Variants in ZNF791 observed in about 807,000 individuals in gnomAD.
ZNF791 encodes zinc finger protein 791.
In ZNF791, 4 loss-of-function variants were observed where a neutral mutation model predicts 11.5. The ratio of observed to expected loss-of-function variants is 0.35; its 90% confidence interval spans 0.17 to 0.80. The LOEUF (loss-of-function observed/expected upper bound fraction) is 0.80, where lower values mean the gene tolerates loss of function less well. Among genes scored for constraint, ZNF791 ranks in the 30% least tolerant of loss-of-function variants. The probability of loss-of-function intolerance (pLI) is 0.53; values close to 1 mark genes in which losing one functional copy is unlikely to be tolerated. For synonymous variants in ZNF791, 212 were observed against 228.1 expected, an observed-to-expected ratio of 0.93 and a Z score of 0.64; for missense variants, 559 against 699.4, an observed-to-expected ratio of 0.80 and a Z score of 2.26.
Position 12,615,012 on chromosome 19 carries a change from C to CTTTTTT in ZNF791, c.3+3950_3+3955dup, listed in dbSNP as rs1180146927. On this transcript the variant is annotated intron_variant, in intron 1 of 3. Coordinates refer to ENST00000343325, the MANE Select transcript of ZNF791 (RefSeq NM_153358.3). ...TCCCACCTTAGTCTCCTATGTTCAA[C>CTTTTTT]TTTTTTTTTTTTTTTTTTTTTTTTT... is the stretch of plus-strand genomic sequence containing the variant. Among the ~76,000 whole-genome samples the CTTTTTT allele has an allele frequency of 8.0e-5, 4 of 49,880 alleles. 1 individual carries two copies. The highest frequency in any genetic ancestry group is 1.1e-4 in the Non-Finnish European group (3 of 28,496). 32.7% of individuals were successfully genotyped at this position (49,880 alleles called of 152,430 possible). A position where few individuals can be genotyped will look rare whatever the true frequency, so the allele number is the denominator to read the frequency against.
At chr19:12,625,797 A>G (rs1051419586) in intron 3 of ZNF791, among the ~76,000 whole-genome samples, 20 of 150,576 alleles carry the variant, frequency 1.3e-4, no homozygotes, top group South Asian at 6.3e-4. Flanking sequence ...AAAAAAAAAA[A>G]AAGAAGAAGA....
chr19:12,614,892 C>CTTTTTTTTTTTTTTTTTTTTT lies in ZNF791; in HGVS notation c.3+3825_3+3845dup, dbSNP rs57575424. ...ACAGGTGTGAGCCACTGCGTCCGGC[C>CTTTTTTTTTTTTTTTTTTTTT]TTTTTTTTTTTTTTTTTTTTTTTTT... On this transcript the variant is annotated intron_variant, in intron 1 of 3. Coordinates refer to ENST00000343325, the MANE Select transcript of ZNF791 (RefSeq NM_153358.3). 5.7e-4 allele frequency among the ~76,000 whole-genome samples: 10 copies of CTTTTTTTTTTTTTTTTTTTTT among 17,566 alleles called. 3 individuals carry two copies. The highest frequency in any genetic ancestry group is 2.4e-3 in the Admixed American group (2 of 826). 11.5% of individuals were successfully genotyped at this position (17,566 alleles called of 152,430 possible). A position where few individuals can be genotyped will look rare whatever the true frequency, so the allele number is the denominator to read the frequency against.
rs2023470437 is a variant in ZNF791 at position 12,629,278 on chromosome 19, G to C, written c.*18G>C. 2 of 1,417,412 alleles carry C rather than the reference G, an allele frequency of 1.4e-6. No individual in the cohort carries two copies. Among genetic ancestry groups the C allele is most frequent in the Non-Finnish European group, 1.9e-6 (2 of 1,080,054 alleles). 87.8% of individuals were successfully genotyped at this position (1,417,412 alleles called of 1,614,324 possible). A position where few individuals can be genotyped will look rare whatever the true frequency, so the allele number is the denominator to read the frequency against. On this transcript the variant is annotated 3_prime_UTR_variant, in exon 4 of 4. Transcript: ENST00000343325. The stretch of plus-strand genomic sequence containing the variant: ...ATCGATAGAAACTCTATAAATGTGA[G>C]AAATAGGAGAAAGTTTTCAATTCTA...
intron 1 of ZNF791, among the ~76,000 whole-genome samples, chr19:12,621,718 G>GC (rs1568288260): frequency 3.9e-5 from 4 of 102,100 alleles, no homozygotes; most frequent in Admixed American, 8.9e-5. Context: ...CCACCTCGGT[G>GC]GGGGGTCAGC....
chr19:12,622,417 A>C (rs1460950149), intron 1 of ZNF791, among the ~76,000 whole-genome samples: 3 of 145,108 alleles, frequency 2.1e-5, no homozygotes, highest in Admixed American at 6.8e-5. Flanking sequence ...CAAACAAAAA[A>C]AAAAAAAAAA....
Position 12,611,062 on chromosome 19 carries a change from C to T in ZNF791, c.-18C>T. On this transcript the variant is annotated 5_prime_UTR_variant, in exon 1 of 4. Coordinates refer to ENST00000343325, the MANE Select transcript of ZNF791 (RefSeq NM_153358.3). ...GTGAACCTTAGGGACAACACCGGGA[C>T]ACCCGCGAGGCCGGAAAATGGTGAG... 1.2e-6 allele frequency: 2 copies of T among 1,614,178 alleles called. No individual in the cohort carries two copies. The highest frequency in any genetic ancestry group is 1.1e-5 in the South Asian group (1 of 91,088).
rs2023484031 is a variant in ZNF791 at position 12,630,078 on chromosome 19, T to A, written c.*818T>A. The A allele has an allele frequency of 6.6e-6, 1 of 151,008 alleles. No individual in the cohort carries two copies. The highest frequency in any genetic ancestry group is 2.4e-5 in the African/African-American group (1 of 40,918). 9.4% of individuals were successfully genotyped at this position (151,008 alleles called of 1,614,324 possible). ...GGGAGGCTGAGGCAGGAGGATTGCC[T>A]GAGCCCAGGAGTTCAAGGCTACAGT... is the stretch of plus-strand genomic sequence containing the variant. On this transcript the variant is annotated 3_prime_UTR_variant, in exon 4 of 4. Coordinates refer to ENST00000343325, the MANE Select transcript of ZNF791 (RefSeq NM_153358.3).
At chr19:12,620,667 T>C (rs372939128) in intron 1 of ZNF791, among the ~76,000 whole-genome samples, 8 of 151,034 alleles carry the variant, frequency 5.3e-5, no homozygotes, top group African/African-American at 1.9e-4. Context: ...CATGAGTGCA[T>C]GGAAATGAGA....
At chr19:12,622,105 GATTAAGGGCGGTGCA>G (rs879642528) in intron 1 of ZNF791, among the ~76,000 whole-genome samples, 3,891 of 131,162 alleles carry the variant, frequency 0.03, 123 homozygotes, top group African/African-American at 0.063. Context: ...GAGTTAAATG[GATTAAGGGCGGTGCA>G]AGATGTGCTT....
rs1269880650 is a variant in ZNF791 at position 12,628,014 on chromosome 19, G to A, written c.485G>A (p.Cys162Tyr). 2 of 1,613,210 alleles carry A rather than the reference G, an allele frequency of 1.2e-6. No homozygotes were observed. The highest frequency in any genetic ancestry group is 3.3e-5 in the Admixed American group (2 of 59,840). ...CACACTGGAGAAAAACCCTATAAAT[G>A]TAAACAATGTGGAAAAACCTTCATA... ...RSHTGEKPYK[C>Y]KQCGKTFIYH... is the part of the protein sequence containing the mutation. Residue 162 changes from cysteine to tyrosine, a missense_variant, in exon 4 of 4, where the codon TGT (cysteine) becomes TAT (tyrosine). Transcript: ENST00000343325.
intron 3 of ZNF791, among the ~76,000 whole-genome samples, chr19:12,626,581 G>C (rs188674728): frequency 2.6e-5 from 4 of 152,048 alleles, no homozygotes; most frequent in Middle Eastern, 3.4e-3. Flanking sequence ...ACCATGCCAA[G>C]GTGTGGAAAC....
Position 12,623,726 on chromosome 19 carries a change from T to C in ZNF791, c.30T>C (p.Ser10=). ...ACTCAGTGGCTTTTGAGGATGTGTC[T>C]GTGAGCTTCAGCCAGGAGGAGTGGG... MDSVAFEDV[S]VSFSQEEWAL... Residue 10 remains serine, a synonymous_variant, in exon 2 of 4, where the codon TCT becomes TCC. Transcript: ENST00000343325. 1.2e-6 allele frequency: 2 copies of C among 1,614,176 alleles called. No homozygotes were observed. Among genetic ancestry groups the C allele is most frequent in the Non-Finnish European group, 1.7e-6 (2 of 1,180,034 alleles).
chr19:12,630,518 G>A lies in ZNF791; in HGVS notation c.*1258G>A, dbSNP rs1024475172. On this transcript the variant is annotated 3_prime_UTR_variant, in exon 4 of 4. Coordinates refer to ENST00000343325, the MANE Select transcript of ZNF791 (RefSeq NM_153358.3). Reference sequence around the variant, plus strand: ...CTTGATAATAAATGGCTAAGTTACTGGTTTATATATTTACAATCCTGTTTT... The same window carrying A: ...CTTGATAATAAATGGCTAAGTTACTAGTTTATATATTTACAATCCTGTTTT... 6.6e-6 allele frequency: 1 copy of A among 152,098 alleles called. No individual in the cohort carries two copies. Among genetic ancestry groups the A allele is most frequent in the Non-Finnish European group, 1.5e-5 (1 of 68,040 alleles). The allele number at this position is 152,098 out of a possible 1,614,324, so 9.4% of individuals were successfully genotyped here. A position where few individuals can be genotyped will look rare whatever the true frequency, so the allele number is the denominator to read the frequency against.
At chr19:12,618,085 T>G (rs762587881) in intron 1 of ZNF791, among the ~76,000 whole-genome samples, 1 of 151,782 alleles carries the variant, frequency 6.6e-6, no homozygotes, top group Non-Finnish European at 1.5e-5. Flanking sequence ...GCCCGGCTAA[T>G]TTTTGTATTT....
At chr19:12,626,439 A>G (rs540662109) in intron 3 of ZNF791, among the ~76,000 whole-genome samples, 54 of 148,358 alleles carry the variant, frequency 3.6e-4, no homozygotes, top group Non-Finnish European at 6.7e-4. Flanking sequence ...GTGAGCCACC[A>G]TGCCCAGCCA....
intron 1 of ZNF791, among the ~76,000 whole-genome samples, chr19:12,622,924 C>A (rs370228476): frequency 2.3e-4 from 27 of 117,422 alleles, no homozygotes; most frequent in East Asian, 8.3e-4. Context: ...AGAAAAAAAA[C>A]CCATTTATCT....
intron 1 of ZNF791, among the ~76,000 whole-genome samples, chr19:12,622,908 A>G (rs1599325010): frequency 1.0e-5 from 1 of 95,952 alleles, no homozygotes; most frequent in East Asian, 2.0e-4. Context: ...AAAAAAAAAA[A>G]AAGAAAGAAA....
chr19:12,617,127 CTTTT>C (rs755839252), intron 1 of ZNF791, among the ~76,000 whole-genome samples: 1 of 137,064 alleles, frequency 7.3e-6, no homozygotes. Flanking sequence ...CTTTTTTCTT[CTTTT>C]TTTTTTTTTT....
rs1829665594 is a variant in ZNF791 at position 12,623,722 on chromosome 19, T to G, written c.26T>G (p.Val9Gly). The G allele has an allele frequency of 6.2e-7, 1 of 1,614,032 alleles. No homozygotes were observed. Among genetic ancestry groups the G allele is most frequent in the Non-Finnish European group, 8.5e-7 (1 of 1,180,020 alleles). Residue 9 changes from valine to glycine, a missense_variant, in exon 2 of 4, where the codon GTG (valine) becomes GGG (glycine). Val to Gly is a moderately radical substitution (Grantham distance 109). Coordinates refer to ENST00000343325, the MANE Select transcript of ZNF791 (RefSeq NM_153358.3). ...CAGGACTCAGTGGCTTTTGAGGATG[T>G]GTCTGTGAGCTTCAGCCAGGAGGAG... MDSVAFED[V>G]SVSFSQEEWA...
Sources: allele counts gnomAD v4.1 joint callset (sites outside exome capture counted in the v4.1 genomes callset), GRCh38; gene constraint gnomAD v4.1.1; transcripts MANE v1.5; gene names NCBI Gene and HGNC (gene_info 2026-07-23, HGNC 2026-07-21).